Variants in SOCS5 observed in about 807,000 individuals in gnomAD.
SOCS5 encodes suppressor of cytokine signaling 5.
Under a neutral mutation model 42.8 loss-of-function variants are expected in SOCS5, and 32 were observed. The observed-to-expected ratio is 0.75, with a 90% confidence interval of 0.56 to 1.01. The LOEUF (loss-of-function observed/expected upper bound fraction) is 1.01. Ranked by LOEUF, SOCS5 falls within the 50% of genes least tolerant of loss-of-function variation. The probability of loss-of-function intolerance (pLI) is 0.00; values close to 1 mark genes in which losing one functional copy is unlikely to be tolerated. For synonymous variants in SOCS5, 283 were observed against 229.6 expected (o/e 1.23, Z -2.10); for missense variants, 627 against 653.0 (o/e 0.96, Z 0.43).
rs571721987 is a variant in SOCS5, at chr2:46,732,648, T to C, written c.-12-25871T>C. On this transcript the variant is annotated intron_variant, in intron 1 of 1. Transcript: ENST00000394861. ...CAGAAACTATTTCCCAGTGCTGATT[T>C]ATGTAACACTCCTGGAGACAGTATG... is the stretch of plus-strand genomic sequence containing the variant. 2.6e-5 allele frequency among the ~76,000 whole-genome samples: 4 copies of C among 152,190 alleles called. No homozygotes were observed. The South Asian group carries it at 8.3e-4, about 32-fold the overall frequency.
At position 46,750,224 on chromosome 2, in the gene SOCS5, A is replaced by G. The variant is rs991619429; in HGVS notation, c.-12-8295A>G. Reference sequence around the variant, plus strand: ...CTGGTGCCCTAAGCAAAGCATAGGCAGTATCTGTACGTGAGATTTGGGCTT... The same window carrying G: ...CTGGTGCCCTAAGCAAAGCATAGGCGGTATCTGTACGTGAGATTTGGGCTT... On this transcript the variant is annotated intron_variant, in intron 1 of 1. Transcript: ENST00000394861. 2.3e-4 allele frequency among the ~76,000 whole-genome samples: 35 copies of G among 152,184 alleles called. 1 individual carries two copies. Among genetic ancestry groups the G allele is most frequent in the African/African-American group, 8.4e-4 (35 of 41,440 alleles).
At chr2:46,741,982 C>T (rs1362256979) in intron 1 of SOCS5, among the ~76,000 whole-genome samples, 1 of 152,178 alleles carries the variant, frequency 6.6e-6, no homozygotes, top group African/African-American at 2.4e-5. Context: ...TCTGAAACGT[C>T]ATGTGGATCT....
intron 1 of SOCS5, among the ~76,000 whole-genome samples, chr2:46,756,910 T>A (rs1309063498): frequency 6.6e-6 from 1 of 152,210 alleles, no homozygotes; most frequent in Non-Finnish European, 1.5e-5. Context: ...GAGAGATTTT[T>A]GCAAGACAGA....
chr2:46,735,334 T>TACACCAGCTGTTTCTTTAA (rs1203881746), intron 1 of SOCS5, among the ~76,000 whole-genome samples: 55 of 152,294 alleles, frequency 3.6e-4, no homozygotes, highest in African/African-American at 1.1e-3. Flanking sequence ...ACAAAGGGCA[T>TACACCAGCTGTTTCTTTAA]ACACCAGCTG....
At position 46,759,276 on chromosome 2, in the gene SOCS5, C is replaced by T. The variant is rs756714993; in HGVS notation, c.746C>T (p.Thr249Ile). The stretch of plus-strand genomic sequence containing the variant: ...AGCCCACATTCAACATTTTTTGATA[C>T]ATTTGATCCATCTTTGGTTTCTACA... ...PVSPHSTFFD[T>I]FDPSLVSTED... The change falls in exon 2 of 2, where the codon ACA (threonine) becomes ATA (isoleucine). Residue 249 changes from threonine (T) to isoleucine (I), a missense_variant. Physicochemically the swap from Thr to Ile is moderately conservative, Grantham distance 89. Coordinates refer to ENST00000394861, the MANE Select transcript of SOCS5 (RefSeq NM_144949.3). 2.8e-5 allele frequency: 45 copies of T among 1,613,846 alleles called. No homozygotes were observed. In the South Asian group the frequency reaches 3.2e-4, roughly 11 times the overall value.
At chr2:46,743,502 T>C (rs546174917) in intron 1 of SOCS5, among the ~76,000 whole-genome samples, 1 of 152,294 alleles carries the variant, frequency 6.6e-6, no homozygotes, top group African/African-American at 2.4e-5. Context: ...GAGATCACTC[T>C]TGTGGCCTTC....
chr2:46,746,826 T>TC (rs1558410948), intron 1 of SOCS5, among the ~76,000 whole-genome samples: 1 of 152,110 alleles, frequency 6.6e-6, no homozygotes, highest in African/African-American at 2.4e-5. Context: ...TACTTTTCTT[T>TC]CTTTTTTAAG....
chr2:46,741,185 A>G (rs1011396702), intron 1 of SOCS5, among the ~76,000 whole-genome samples: 1 of 152,156 alleles, frequency 6.6e-6, no homozygotes, highest in African/African-American at 2.4e-5. Flanking sequence ...CATTTTGCAT[A>G]TATCTTTGAG....
chr2:46,719,480 G>A (rs773728112), intron 1 of SOCS5, among the ~76,000 whole-genome samples: 3 of 151,868 alleles, frequency 2.0e-5, no homozygotes, highest in Non-Finnish European at 4.4e-5. Context: ...TTCTAGAGCT[G>A]GTTTTAAAGA....
intron 1 of SOCS5, among the ~76,000 whole-genome samples, chr2:46,739,796 C>T (rs1412332744): frequency 6.6e-6 from 1 of 152,138 alleles, no homozygotes; most frequent in Non-Finnish European, 1.5e-5. Flanking sequence ...CATATGTATA[C>T]ATGTCAGTAT....
At chr2:46,739,088 T>C (rs1020595461) in intron 1 of SOCS5, among the ~76,000 whole-genome samples, 2 of 152,226 alleles carry the variant, frequency 1.3e-5, no homozygotes, top group Non-Finnish European at 2.9e-5. Context: ...GCTTCATGTT[T>C]TTCTTTGGTA....
chr2:46,729,674 G>GGTGAGTGA, intron 1 of SOCS5, among the ~76,000 whole-genome samples: 1 of 152,156 alleles, frequency 6.6e-6, no homozygotes, highest in Non-Finnish European at 1.5e-5. Flanking sequence ...AGTTGCCGTG[G>GGTGAGTGA]GTGAGTGAGT....
intron 1 of SOCS5, among the ~76,000 whole-genome samples, chr2:46,733,330 G>A (rs1673169512): frequency 1.3e-5 from 2 of 152,034 alleles, no homozygotes; most frequent in Admixed American, 6.6e-5. Context: ...CCTGGCCTCA[G>A]GTGATCCACC....
rs41489952 is a variant in SOCS5, at chr2:46,759,577, C to G, written c.1047C>G (p.Thr349=). The G allele has an allele frequency of 0.091, 146,490 of 1,613,794 alleles. 7,860 individuals carry two copies. Among genetic ancestry groups the G allele is most frequent in the Non-Finnish European group, 0.11 (129,795 of 1,179,804 alleles). Residue 349 remains threonine, a synonymous_variant, in exon 2 of 2, where the codon ACC becomes ACG. Transcript: ENST00000394861. ...KQRQISGDSH[T]HVSRQGAWKV... ...GTCAGATATCTGGAGACAGCCATACCCATGTTAGCAGACAGGGAGCTTGGA... is the reference window on the plus strand; with the variant it reads ...GTCAGATATCTGGAGACAGCCATACGCATGTTAGCAGACAGGGAGCTTGGA...
chr2:46,721,428 G>A (rs1278480934), intron 1 of SOCS5, among the ~76,000 whole-genome samples: 2 of 152,066 alleles, frequency 1.3e-5, no homozygotes, highest in African/African-American at 4.8e-5. Flanking sequence ...TTTGTTATCA[G>A]TTTTTTAATT....
chr2:46,738,530 T>C (rs1470187573), intron 1 of SOCS5, among the ~76,000 whole-genome samples: 1 of 152,152 alleles, frequency 6.6e-6, no homozygotes, highest in Non-Finnish European at 1.5e-5. Flanking sequence ...TATAGTTAAT[T>C]TGAGGTCCGA....
intron 1 of SOCS5, among the ~76,000 whole-genome samples, chr2:46,753,253 C>T (rs766989637): frequency 1.3e-5 from 2 of 152,184 alleles, no homozygotes; most frequent in Non-Finnish European, 2.9e-5. Context: ...ATCACCTCCT[C>T]AGAAAAGTCT....
intron 1 of SOCS5, among the ~76,000 whole-genome samples, chr2:46,755,084 T>C (rs1049608310): frequency 2.0e-5 from 3 of 152,164 alleles, no homozygotes; most frequent in Non-Finnish European, 4.4e-5. Context: ...GTGTTACAGC[T>C]GAGAAGTCTA....
intron 1 of SOCS5, among the ~76,000 whole-genome samples, chr2:46,749,759 A>G (rs1673584469): frequency 6.6e-6 from 1 of 152,132 alleles, no homozygotes. Flanking sequence ...TGTAGAGTCA[A>G]TGGCTTAGGA....
Sources: allele counts gnomAD v4.1 joint callset (sites outside exome capture counted in the v4.1 genomes callset), GRCh38; gene constraint gnomAD v4.1.1; transcripts MANE v1.5; gene names NCBI Gene and HGNC (gene_info 2026-07-23, HGNC 2026-07-21).